Variants in NCK1 observed in about 807,000 individuals in gnomAD.
The protein encoded by NCK1 is SH2/SH3 adapter protein NCK1.
Under a neutral mutation model 36.6 loss-of-function variants are expected in NCK1, and 19 were observed. The ratio of observed to expected loss-of-function variants is 0.52; its 90% CI spans 0.36 to 0.76. The LOEUF (loss-of-function observed/expected upper bound fraction) is 0.76, where lower values mean the gene tolerates loss of function less well. Ranked by LOEUF, NCK1 falls within the 30% of genes least tolerant of loss-of-function variation. The pLI, the probability that NCK1 is intolerant of heterozygous loss-of-function variation, is 0.00. For synonymous variants in NCK1, 165 were observed against 156.0 expected, an observed-to-expected ratio of 1.06 and a Z score of -0.43; for missense variants, 358 against 445.6, an observed-to-expected ratio of 0.80 and a Z score of 1.77.
intron 1 of NCK1, among the ~76,000 whole-genome samples, chr3:136,883,633 G>C (rs1248001008): frequency 1.3e-5 from 2 of 152,110 alleles, no homozygotes; most frequent in Non-Finnish European, 2.9e-5. Context: ...TTGTATCCCT[G>C]CATTAATTGG....
At chr3:136,930,276 TA>T (rs1444768202) in intron 2 of NCK1, among the ~76,000 whole-genome samples, 5 of 152,186 alleles carry the variant, frequency 3.3e-5, no homozygotes, top group Admixed American at 1.3e-4. Flanking sequence ...ATTTTAACTA[TA>T]AAAAATATAT....
chr3:136,873,841 A>AT (rs1174694773), intron 1 of NCK1, among the ~76,000 whole-genome samples: 1 of 152,164 alleles, frequency 6.6e-6, no homozygotes, highest in Non-Finnish European at 1.5e-5. Context: ...GCCTTTCACT[A>AT]TGCGCCATGA....
At chr3:136,898,385 C>CAA (rs36033316) in intron 1 of NCK1, among the ~76,000 whole-genome samples, 31 of 76,534 alleles carry the variant, frequency 4.1e-4, no homozygotes, top group South Asian at 1.2e-3. Context: ...GACTCCCTCT[C>CAA]AAAAAAAAAA....
At chr3:136,936,982 T>C (rs1011853811) in intron 2 of NCK1, among the ~76,000 whole-genome samples, 12 of 152,234 alleles carry the variant, frequency 7.9e-5, no homozygotes, top group Admixed American at 7.9e-4. Context: ...TAATGAAGTA[T>C]AATGGATCTT....
chr3:136,862,983 T>G (rs1938286766), intron 1 of NCK1, among the ~76,000 whole-genome samples: 1 of 149,266 alleles, frequency 6.7e-6, no homozygotes, highest in Admixed American at 6.8e-5. Flanking sequence ...ATATGTTTGG[T>G]AAAACAAAAA....
At chr3:136,883,454 A>AT (rs964648281) in intron 1 of NCK1, among the ~76,000 whole-genome samples, 4 of 151,256 alleles carry the variant, frequency 2.6e-5, no homozygotes, top group Non-Finnish European at 4.4e-5. Context: ...GCCCACTTAA[A>AT]TTTTTTTTTC....
chr3:136,924,018 G>A (rs958439159), intron 1 of NCK1, among the ~76,000 whole-genome samples: 10 of 152,162 alleles, frequency 6.6e-5, no homozygotes, highest in Admixed American at 5.9e-4. Context: ...AGCAGGTAGA[G>A]CTAGCACATC....
intron 2 of NCK1, among the ~76,000 whole-genome samples, chr3:136,942,352 G>T (rs1365793603): frequency 1.3e-5 from 2 of 152,194 alleles, no homozygotes; most frequent in African/African-American, 4.8e-5. Flanking sequence ...TTGTTTGCTT[G>T]TTTAGTGACT....
chr3:136,874,639 A>G (rs142614821), intron 1 of NCK1, among the ~76,000 whole-genome samples: 32 of 152,172 alleles, frequency 2.1e-4, no homozygotes, highest in African/African-American at 6.7e-4. Context: ...TTCCTTTCTG[A>G]TAAAACTAGC....
At chr3:136,902,209 G>A (rs201164685) in intron 1 of NCK1, among the ~76,000 whole-genome samples, 1 of 77,466 alleles carries the variant, frequency 1.3e-5, no homozygotes, top group African/African-American at 4.6e-5. Flanking sequence ...TTTTGTTTTT[G>A]TTTTTTGAGA....
At chr3:136,940,834 C>T (rs536464471) in intron 2 of NCK1, among the ~76,000 whole-genome samples, 36 of 152,130 alleles carry the variant, frequency 2.4e-4, no homozygotes, top group East Asian at 1.2e-3. Flanking sequence ...CATGAGACAC[C>T]GCGCCGGGCC....
At chr3:136,930,368 T>C in intron 2 of NCK1, 6 of 957,784 alleles carry the variant, frequency 6.3e-6, no homozygotes, top group Non-Finnish European at 8.1e-6. Context: ...TTATACAGGC[T>C]GTGTTATAAT....
rs528812601 is a variant in NCK1, at chr3:136,896,607, G to C, written c.-18-31377G>C. ...GGCTGGAGTGCAGTGGTGCAATCAT[G>C]GCTCACTGCAGTGAGTAGCCGGGAC... On this transcript the variant is annotated intron_variant, in intron 1 of 3. Transcript: ENST00000481752. Among the ~76,000 whole-genome samples the C allele has an allele frequency of 9.9e-5, 15 of 151,866 alleles. 1 individual carries two copies. The South Asian group carries it at 2.5e-3, about 25-fold the overall frequency.
intron 1 of NCK1, among the ~76,000 whole-genome samples, chr3:136,904,628 A>G (rs188501812): frequency 7.9e-5 from 12 of 152,304 alleles, no homozygotes; most frequent in Non-Finnish European, 1.3e-4. Flanking sequence ...TGTGCTGTGA[A>G]GAAGACCTTT....
chr3:136,872,045 G>A (rs1366056986), intron 1 of NCK1, among the ~76,000 whole-genome samples: 3 of 152,046 alleles, frequency 2.0e-5, no homozygotes, highest in Non-Finnish European at 4.4e-5. Flanking sequence ...GGTACCAGTA[G>A]AGTAGAGTGC....
intron 1 of NCK1, among the ~76,000 whole-genome samples, chr3:136,902,596 T>A (rs2138541): frequency 0.68 from 103,731 of 152,108 alleles, 35,670 homozygotes; most frequent in East Asian, 0.87. Context: ...GTGTCCTAAC[T>A]TGATCTATCC....
chr3:136,927,437 T>C (rs927281032), intron 1 of NCK1, among the ~76,000 whole-genome samples: 3 of 152,232 alleles, frequency 2.0e-5, no homozygotes, highest in Non-Finnish European at 2.9e-5. Context: ...CATTTTTCAT[T>C]GGGTAGTGAA....
intron 1 of NCK1, among the ~76,000 whole-genome samples, chr3:136,915,220 G>A (rs1159924694): frequency 6.6e-6 from 1 of 152,192 alleles, no homozygotes; most frequent in Non-Finnish European, 1.5e-5. Context: ...AGGGGTAGTA[G>A]TAGTGAGAAT....
At chr3:136,862,565 G>T (rs1232308279) in intron 1 of NCK1, among the ~76,000 whole-genome samples, 1 of 152,254 alleles carries the variant, frequency 6.6e-6, no homozygotes, top group Non-Finnish European at 1.5e-5. Flanking sequence ...AGACCCTCGG[G>T]CCGTTGCCCC....
Sources: allele counts gnomAD v4.1 joint callset (sites outside exome capture counted in the v4.1 genomes callset), GRCh38; gene constraint gnomAD v4.1.1; transcripts MANE v1.5; gene names NCBI Gene and HGNC (gene_info 2026-07-23, HGNC 2026-07-21).